Variants in EPHA3 observed in about 807,000 individuals in gnomAD.
EPHA3 encodes the protein EPH receptor A3.
In EPHA3, 42 loss-of-function variants were observed where a neutral mutation model predicts 107.1. The observed-to-expected ratio is 0.39, with a 90% CI of 0.31 to 0.51. The LOEUF (loss-of-function observed/expected upper bound fraction) is 0.51. EPHA3 is among the 20% of genes least tolerant of loss of function. EPHA3 has a pLI of 0.78. For missense variants in EPHA3, 1,183 were observed against 1,211.2 expected (o/e 0.98, Z 0.35); for synonymous variants, 461 against 424.8 (o/e 1.09, Z -1.05).
intron 7 of EPHA3, among the ~76,000 whole-genome samples, chr3:89,406,353 T>C (rs1212590451): frequency 6.6e-6 from 1 of 152,114 alleles, no homozygotes; most frequent in Non-Finnish European, 1.5e-5. Context: ...TCTTGAGTGG[T>C]TTTTGTGAAC....
chr3:89,379,441 A>G (rs1282998292), intron 5 of EPHA3, among the ~76,000 whole-genome samples: 1 of 152,208 alleles, frequency 6.6e-6, no homozygotes, highest in African/African-American at 2.4e-5. Flanking sequence ...ACTAGAAACT[A>G]TTAATACACA....
chr3:89,351,125 T>C (rs1158364031), intron 5 of EPHA3, among the ~76,000 whole-genome samples: 3 of 151,310 alleles, frequency 2.0e-5, no homozygotes, highest in African/African-American at 7.3e-5. Flanking sequence ...CAGGACTCCT[T>C]GAACTGTGGT....
Position 89,107,655 on chromosome 3 carries a change from A to C in EPHA3, c.-94A>C. On this transcript the variant is annotated 5_prime_UTR_variant, in exon 1 of 17. An upstream start codon of the reference 5' UTR is lost. Transcript: ENST00000336596. ...CTTGACATCAGCCTGCGAGCGGAGC[A>C]TGGTAACTTCTCCAGCAATCAGAGC... 1.7e-6 allele frequency: 2 copies of C among 1,155,862 alleles called. No individual in the cohort carries two copies. The highest frequency in any genetic ancestry group is 2.6e-6 in the Non-Finnish European group (2 of 778,148). 71.6% of individuals were successfully genotyped at this position (1,155,862 alleles called of 1,614,324 possible).
intron 3 of EPHA3, among the ~76,000 whole-genome samples, chr3:89,224,322 G>T (rs1209867712): frequency 6.6e-6 from 1 of 152,122 alleles, no homozygotes; most frequent in Non-Finnish European, 1.5e-5. Flanking sequence ...TATTGAGGTT[G>T]CCAGGGCAAA....
At chr3:89,323,853 CAT>C (rs1707099861) in intron 3 of EPHA3, among the ~76,000 whole-genome samples, 1 of 151,902 alleles carries the variant, frequency 6.6e-6, no homozygotes, top group Non-Finnish European at 1.5e-5. Flanking sequence ...TCTAGAAATC[CAT>C]ATTTTTGCTA....
rs552695307 is a variant in EPHA3 at position 89,265,008 on chromosome 3, A to C, written c.814+54488A>C. ...TAACTCTTATGCTTTTAATGTAGTAATTTTAAGATTCCAGACAGAATTGCA... is the reference window on the plus strand; with the variant it reads ...TAACTCTTATGCTTTTAATGTAGTACTTTTAAGATTCCAGACAGAATTGCA... On this transcript the variant is annotated intron_variant, in intron 3 of 16. Transcript: ENST00000336596. 3.3e-5 allele frequency among the ~76,000 whole-genome samples: 5 copies of C among 152,242 alleles called. No homozygotes were observed. The South Asian group carries it at 1.0e-3, about 32-fold the overall frequency.
At chr3:89,406,844 A>G (rs932938909) in intron 7 of EPHA3, among the ~76,000 whole-genome samples, 20 of 152,076 alleles carry the variant, frequency 1.3e-4, no homozygotes, top group African/African-American at 4.6e-4. Context: ...ATGAATATGG[A>G]TATTGGAGTT....
At chr3:89,377,324 C>T (rs559509327) in intron 5 of EPHA3, among the ~76,000 whole-genome samples, 3 of 152,082 alleles carry the variant, frequency 2.0e-5, no homozygotes, top group African/African-American at 7.2e-5. Flanking sequence ...TTCATATGTA[C>T]CCATTTGCAA....
In EPHA3 at chr3:89,252,984, C is replaced by A. The variant is rs542364972; in HGVS notation, c.814+42464C>A. ...GGTTTACTTTAAACTTGCTTTACTT[C>A]TCTCTGCCCCCAACTTAGTCATTCT... On this transcript the variant is annotated intron_variant, in intron 3 of 16. Coordinates refer to ENST00000336596, the MANE Select transcript of EPHA3 (RefSeq NM_005233.6). Among the ~76,000 whole-genome samples the A allele has an allele frequency of 1.1e-4, 16 of 151,838 alleles. No homozygotes were observed. In the South Asian group the frequency reaches 3.3e-3, roughly 32 times the overall value.
chr3:89,355,097 A>G (rs1191307676), intron 5 of EPHA3, among the ~76,000 whole-genome samples: 1 of 150,470 alleles, frequency 6.6e-6, no homozygotes, highest in African/African-American at 2.5e-5. Flanking sequence ...CAATTGGAAA[A>G]AAAATAATTA....
chr3:89,392,640 G>A lies in EPHA3; in HGVS notation c.1307-3197G>A, dbSNP rs556936554. 1.7e-3 allele frequency among the ~76,000 whole-genome samples: 250 copies of A among 151,020 alleles called. 2 individuals are homozygous for A. Among genetic ancestry groups the A allele is most frequent in the African/African-American group, 5.5e-3 (225 of 41,070 alleles). Reference sequence around the variant, plus strand: ...CCATTAACTTCCATTCTCTCAAATTGCAAATTTAAAAAACAGAAGAATGAA... The same window carrying A: ...CCATTAACTTCCATTCTCTCAAATTACAAATTTAAAAAACAGAAGAATGAA... On this transcript the variant is annotated intron_variant, in intron 5 of 16. Transcript: ENST00000336596.
chr3:89,459,335 G>C (rs530328543), intron 15 of EPHA3, among the ~76,000 whole-genome samples: 5 of 152,050 alleles, frequency 3.3e-5, no homozygotes. Flanking sequence ...GTGCATAAAA[G>C]AATGAAAACA....
intron 3 of EPHA3, among the ~76,000 whole-genome samples, chr3:89,265,614 A>G (rs545019619): frequency 1.3e-5 from 2 of 152,234 alleles, no homozygotes; most frequent in African/African-American, 4.8e-5. Context: ...AATAAATATA[A>G]TCTGATTTCT....
chr3:89,111,949 TG>T (rs1240672917), intron 1 of EPHA3, among the ~76,000 whole-genome samples: 2 of 152,108 alleles, frequency 1.3e-5, no homozygotes, highest in Non-Finnish European at 2.9e-5. Flanking sequence ...ACAGTTTCAC[TG>T]TAACTATCAA....
At chr3:89,202,266 A>AG (rs1705985351) in intron 2 of EPHA3, among the ~76,000 whole-genome samples, 2 of 152,098 alleles carry the variant, frequency 1.3e-5, no homozygotes, top group East Asian at 3.9e-4. Flanking sequence ...AGGCCGAGGC[A>AG]GGCGGATCAC....
chr3:89,395,902 C>T lies in EPHA3; in HGVS notation c.1372C>T (p.Gln458Ter). 1 of 1,613,992 alleles carries T rather than the reference C, an allele frequency of 6.2e-7. No homozygotes were observed. Among genetic ancestry groups the T allele is most frequent in the Non-Finnish European group, 8.5e-7 (1 of 1,179,950 alleles). Reference sequence around the variant, plus strand: ...CAGAAATAGCATCTCTTTGTCCTGGCAAGAACCTGAACATCCTAATGGGAT... The same window carrying T: ...CAGAAATAGCATCTCTTTGTCCTGGTAAGAACCTGAACATCCTAATGGGAT... ...TSRNSISLSW[Q>*]EPEHPNGIIL... The change falls in exon 6 of 17, where the codon CAA becomes TAA. Residue 458 changes from glutamine (Q) to a stop codon, truncating the protein, a stop_gained. Transcript: ENST00000336596. LOFTEE classifies it high-confidence loss of function.
intron 3 of EPHA3, among the ~76,000 whole-genome samples, chr3:89,339,588 A>G (rs1471600581): frequency 6.6e-6 from 1 of 152,092 alleles, no homozygotes; most frequent in African/African-American, 2.4e-5. Context: ...TTGGCAGTGT[A>G]TTTCCCTTGT....
At chr3:89,332,999 C>T (rs544873901) in intron 3 of EPHA3, among the ~76,000 whole-genome samples, 7 of 152,224 alleles carry the variant, frequency 4.6e-5, no homozygotes, top group African/African-American at 7.2e-5. Context: ...ACAGTAGCCA[C>T]CATGGTTTAC....
chr3:89,151,233 A>G (rs937081273), intron 2 of EPHA3, among the ~76,000 whole-genome samples: 5 of 152,102 alleles, frequency 3.3e-5, no homozygotes, highest in Non-Finnish European at 7.4e-5. Context: ...TATCTTTACT[A>G]GAAGAAACCC....
Sources: allele counts gnomAD v4.1 joint callset (sites outside exome capture counted in the v4.1 genomes callset), GRCh38; gene constraint gnomAD v4.1.1; transcripts MANE v1.5; gene names NCBI Gene and HGNC (gene_info 2026-07-23, HGNC 2026-07-21).